Variants in ABR observed in about 807,000 individuals in gnomAD.
The protein encoded by ABR is active breakpoint cluster region-related protein.
In ABR, 35 loss-of-function variants were observed where a neutral mutation model predicts 107.2. The ratio of observed to expected loss-of-function variants is 0.33; its 90% CI spans 0.25 to 0.43. The LOEUF is 0.43. Ranked by LOEUF, ABR falls within the 20% of genes least tolerant of loss-of-function variation. ABR has a pLI of 1.00. For missense variants in ABR, 815 were observed against 1,115.2 expected (o/e 0.73, Z 3.83); for synonymous variants, 498 against 462.0 (o/e 1.08, Z -1.00).
Position 1,009,799 on chromosome 17 carries a change from G to A in ABR, c.2237-15C>T, listed in dbSNP as rs543030491. The A allele has an allele frequency of 1.4e-5, 22 of 1,609,916 alleles. No individual in the cohort carries two copies. The highest frequency in any genetic ancestry group is 1.8e-5 in the Non-Finnish European group (21 of 1,176,472). On this transcript the variant is annotated splice_polypyrimidine_tract_variant and intron_variant, in intron 20 of 22. Coordinates refer to ENST00000302538, the MANE Select transcript of ABR (RefSeq NM_021962.5). ...GTCTGACAGGGCTGTGGGAGAGAAG[G>A]GCCAGTGTGGCGTTTGGCTCCTGGG...
intron 16 of ABR, chr17:1,031,789 G>C (rs1054917039): frequency 2.5e-6 from 3 of 1,215,006 alleles, no homozygotes; most frequent in Non-Finnish European, 3.1e-6. Context: ...CCTGTGGAGC[G>C]CTCAGTCCCG....
chr17:1,170,609 G>A (rs910344797), intron 1 of ABR, among the ~76,000 whole-genome samples: 2 of 151,922 alleles, frequency 1.3e-5, no homozygotes, highest in Non-Finnish European at 2.9e-5. Context: ...GCTAATTTTT[G>A]TATTTTAGTA....
At chr17:1,017,342 C>T (rs1371997010) in intron 16 of ABR, among the ~76,000 whole-genome samples, 2 of 151,964 alleles carry the variant, frequency 1.3e-5, no homozygotes, top group African/African-American at 2.4e-5. Flanking sequence ...GACACGGAGC[C>T]GGGCCTGGGT....
At chr17:1,062,902 T>C in intron 10 of ABR, among the ~76,000 whole-genome samples, 2 of 143,852 alleles carry the variant, frequency 1.4e-5, no homozygotes, top group South Asian at 4.5e-4. Flanking sequence ...GCTATGCATG[T>C]TCCTCTAGAT....
intron 2 of ABR, 23 bp downstream of exon 2, chr17:1,125,160 G>A: frequency 1.3e-6 from 2 of 1,541,346 alleles, no homozygotes; most frequent in Admixed American, 4.0e-5. Context: ...CCCAAACCCA[G>A]AAAGAAAAGC....
At chr17:1,031,855 TCCCTCCCTCCCTCCCCGCGCTC>T in intron 16 of ABR, 1 of 1,003,118 alleles carries the variant, frequency 1.0e-6, no homozygotes, top group Non-Finnish European at 1.2e-6. Flanking sequence ...CTCGCCTCCC[TCCCTCCCTCCCTCCCCGCGCTC>T]CCCTCCCTCC....
chr17:1,172,958 CATCA>C (rs2041772519), intron 1 of ABR, among the ~76,000 whole-genome samples: 3 of 89,278 alleles, frequency 3.4e-5, no homozygotes, highest in African/African-American at 8.6e-5. Flanking sequence ...CCACCCCCCC[CATCA>C]CCTCAGCCCA....
chr17:1,159,541 CGGGAGAAGTAGGA>C (rs2041192484), intron 1 of ABR, among the ~76,000 whole-genome samples: 2 of 81,782 alleles, frequency 2.4e-5, no homozygotes, highest in Non-Finnish European at 2.7e-5. Context: ...TACTCACACA[CGGGAGAAGTAGGA>C]ATGCGGTACT....
At chr17:1,021,694 C>G (rs544595486) in intron 16 of ABR, among the ~76,000 whole-genome samples, 2 of 151,890 alleles carry the variant, frequency 1.3e-5, no homozygotes, top group South Asian at 4.2e-4. Flanking sequence ...ATCCCAGCTA[C>G]TGGGGAGGCT....
intron 16 of ABR, among the ~76,000 whole-genome samples, chr17:1,020,882 C>T (rs987353624): frequency 6.6e-5 from 10 of 152,250 alleles, no homozygotes; most frequent in African/African-American, 1.7e-4. Context: ...GGGCTGCTCC[C>T]GGCCAGCTCC....
At chr17:1,137,111 T>G (rs2040103439) in intron 1 of ABR, among the ~76,000 whole-genome samples, 1 of 151,720 alleles carries the variant, frequency 6.6e-6, no homozygotes. Context: ...CGGCACAATC[T>G]CAGCTCACTG....
chr17:1,220,124 T>C (rs2043091549), intron 1 of ABR, among the ~76,000 whole-genome samples: 1 of 151,686 alleles, frequency 6.6e-6, no homozygotes. Context: ...ATCCCATCTC[T>C]ACTCAAAATA....
chr17:1,187,742 A>G (rs1352825250), upstream of ABR, among the ~76,000 whole-genome samples: 3 of 151,402 alleles, frequency 2.0e-5, no homozygotes, highest in African/African-American at 7.3e-5. Context: ...AAAAATACAA[A>G]AAGTAGCCGG....
At chr17:1,031,884 C>T in intron 16 of ABR, 4 of 1,158,402 alleles carry the variant, frequency 3.5e-6, no homozygotes, top group African/African-American at 1.7e-5. Flanking sequence ...GCTCCCCTCC[C>T]TCCCTCCCTC....
chr17:1,129,118 C>T, intron 1 of ABR, among the ~76,000 whole-genome samples: 1 of 152,230 alleles, frequency 6.6e-6, no homozygotes, highest in East Asian at 1.9e-4. Context: ...TCTTCTTTCT[C>T]TACCCATCCC....
chr17:1,057,239 T>C, intron 12 of ABR, 137 bp from the exon 13 acceptor site: 1 of 591,476 alleles, frequency 1.7e-6, no homozygotes, highest in Non-Finnish European at 3.1e-6. Context: ...GGGAAGGATT[T>C]GTGGACACAG....
intron 1 of ABR, among the ~76,000 whole-genome samples, chr17:1,196,940 CG>C (rs1377379131): frequency 6.6e-6 from 1 of 151,694 alleles, no homozygotes; most frequent in African/African-American, 2.4e-5. Flanking sequence ...GTGATCCATC[CG>C]CCTCGGCCTC....
intron 16 of ABR, among the ~76,000 whole-genome samples, chr17:1,044,199 A>AT (rs1555545869): frequency 6.6e-6 from 1 of 151,778 alleles, no homozygotes; most frequent in Admixed American, 6.6e-5. Context: ...GAGCCGGTGG[A>AT]GGGGGGGCTC....
chr17:1,005,404 C>T lies in ABR; in HGVS notation c.*676G>A. 1 of 367,164 alleles carries T rather than the reference C, an allele frequency of 2.7e-6. No homozygotes were observed. Among genetic ancestry groups the T allele is most frequent in the Non-Finnish European group, 4.8e-6 (1 of 206,562 alleles). 22.7% of individuals were successfully genotyped at this position (367,164 alleles called of 1,614,324 possible). On this transcript the variant is annotated 3_prime_UTR_variant, in exon 23 of 23. Transcript: ENST00000302538. ...ACGAGTGTGAGTGTGTCTGCTTGTCCAACATTTGCACAGGCAGCAAGGCAA... is the reference window on the plus strand; with the variant it reads ...ACGAGTGTGAGTGTGTCTGCTTGTCTAACATTTGCACAGGCAGCAAGGCAA...
Sources: gnomAD v4.1 joint callset for allele counts (sites outside exome capture counted in the v4.1 genomes callset) on GRCh38, gnomAD v4.1.1 for gene constraint, MANE v1.5 for transcripts, NCBI Gene and HGNC (gene_info 2026-07-23, HGNC 2026-07-21) for gene names.